The following ALMS1 variants were observed in gnomAD, a reference collection of about 807,000 sequenced individuals.
ALMS1 encodes the protein ALMS1 centrosome and basal body associated protein.
A neutral mutation model predicts 352.2 loss-of-function variants in ALMS1; 271 were observed. The observed-to-expected ratio is 0.77, with a 90% CI of 0.70 to 0.85. ALMS1 has a LOEUF of 0.85. ALMS1 is among the 40% of genes least tolerant of loss of function. The probability of loss-of-function intolerance (pLI) is 0.00; values close to 1 mark genes in which losing one functional copy is unlikely to be tolerated. For synonymous variants in ALMS1, 1,865 were observed against 1,761.2 expected (o/e 1.06, Z -1.48); for missense variants, 5,445 against 4,870.7 (o/e 1.12, Z -3.51).
In ALMS1 at chr2:73,451,084, C is replaced by T. The variant is rs918628047; in HGVS notation, c.4557C>T (p.Thr1519=). The T allele has an allele frequency of 1.1e-5, 18 of 1,613,154 alleles. No homozygotes were observed. The highest frequency in any genetic ancestry group is 1.4e-5 in the Non-Finnish European group (17 of 1,179,814). ...AGACAACTGGCGCACCAACTATAAC[C>T]TCTCCTTCCTACTCACAACATAGAG... ...VGQTTGAPTI[T]SPSYSQHRAK... The change falls in exon 8 of 23, where the codon ACC becomes ACT. Residue 1519 remains threonine (T), a synonymous_variant. Coordinates refer to ENST00000613296, the MANE Select transcript of ALMS1 (RefSeq NM_001378454.1).
chr2:73,443,421 C>G (rs910305253), intron 7 of ALMS1, among the ~76,000 whole-genome samples: 1 of 152,048 alleles, frequency 6.6e-6, no homozygotes, highest in Non-Finnish European at 1.5e-5. Flanking sequence ...GGTTTTTATC[C>G]TTTCATTCTG....
chr2:73,512,375 G>A (rs1300977263), intron 10 of ALMS1, among the ~76,000 whole-genome samples: 3 of 151,492 alleles, frequency 2.0e-5, no homozygotes, highest in Non-Finnish European at 4.4e-5. Flanking sequence ...AAGCTACCAC[G>A]CCTGTCCACT....
At position 73,554,521 on chromosome 2, in the gene ALMS1, C is replaced by A. The variant is rs554839546; in HGVS notation, c.10079-2699C>A. On this transcript the variant is annotated intron_variant, in intron 13 of 22. Transcript: ENST00000613296. ...GAGATCGAGACCATCCTGGCTAACA[C>A]GGTGAAACCCCGTCTCTACTAAAAA... 1.2e-4 allele frequency among the ~76,000 whole-genome samples: 18 copies of A among 150,724 alleles called. No individual in the cohort carries two copies. The South Asian group carries it at 3.6e-3, about 30-fold the overall frequency.
At chr2:73,467,562 A>G (rs1672381641) in intron 9 of ALMS1, among the ~76,000 whole-genome samples, 1 of 152,100 alleles carries the variant, frequency 6.6e-6, no homozygotes, top group African/African-American at 2.4e-5. Flanking sequence ...ATAATGGTAA[A>G]CATGCCTTAC....
rs2103715685 is a variant in ALMS1, at chr2:73,424,762, A to G, written c.1097A>G (p.Gln366Arg). ...GAAAACAATTTAGCTGATAAAGATC[A>G]AGTTTCAGTTGCAACTTCATTTGAC... Reference protein sequence around the residue: ...WPENNLADKDQVSVATSFDIT... With the variant: ...WPENNLADKDRVSVATSFDIT... Residue 366 changes from glutamine to arginine, a missense_variant, in exon 5 of 23, where the codon CAA (glutamine) becomes CGA (arginine). Coordinates refer to ENST00000613296, the MANE Select transcript of ALMS1 (RefSeq NM_001378454.1). The G allele has an allele frequency of 6.2e-7, 1 of 1,613,948 alleles. No individual in the cohort carries two copies. The highest frequency in any genetic ancestry group is 8.5e-7 in the Non-Finnish European group (1 of 1,179,862).
Position 73,452,495 on chromosome 2 carries a change from C to A in ALMS1, c.5968C>A (p.His1990Asn). ...AATAGGACTGTCTAGTTCCTACTCA[C>A]ATTCACATAAAGAGAAACTCAAGAT... ...IPIGLSSSYS[H>N]SHKEKLKIST... Residue 1990 changes from histidine (H) to asparagine (N), a missense_variant, in exon 8 of 23, where the codon CAT becomes AAT. His to Asn is a moderately conservative substitution (Grantham distance 68). Coordinates refer to ENST00000613296, the MANE Select transcript of ALMS1 (RefSeq NM_001378454.1). 6.2e-7 allele frequency: 1 copy of A among 1,614,090 alleles called. No homozygotes were observed. The highest frequency in any genetic ancestry group is 8.5e-7 in the Non-Finnish European group (1 of 1,179,998).
intron 9 of ALMS1, chr2:73,469,467 TAGG>T (rs753653102): frequency 5.9e-5 from 9 of 151,962 alleles, no homozygotes; most frequent in Non-Finnish European, 1.2e-4. Flanking sequence ...TTTGAAATAA[TAGG>T]AGAATATAAT....
intron 11 of ALMS1, among the ~76,000 whole-genome samples, chr2:73,533,716 A>G (rs542062879): frequency 1.3e-5 from 2 of 152,230 alleles, no homozygotes; most frequent in Admixed American, 6.5e-5. Context: ...TAGTATATAG[A>G]AAAAAAATGT....
intron 9 of ALMS1, among the ~76,000 whole-genome samples, chr2:73,471,460 A>G (rs1019484790): frequency 1.3e-5 from 2 of 148,634 alleles, no homozygotes; most frequent in African/African-American, 2.5e-5. Flanking sequence ...GTTAATATCC[A>G]AAGTATATAA....
chr2:73,402,250 T>G (rs796443012), intron 1 of ALMS1, among the ~76,000 whole-genome samples: 2 of 151,504 alleles, frequency 1.3e-5, no homozygotes, highest in East Asian at 3.9e-4. Context: ...CTTTTCTTTC[T>G]TTTCTTTCTT....
chr2:73,534,570 C>CTA (rs1673987581), intron 11 of ALMS1, among the ~76,000 whole-genome samples: 2 of 152,262 alleles, frequency 1.3e-5, no homozygotes, highest in African/African-American at 2.4e-5. Context: ...TTCAGCATTT[C>CTA]TATATTTTCC....
chr2:73,392,283 TGTG>T (rs1169549141), intron 1 of ALMS1, among the ~76,000 whole-genome samples: 2 of 151,918 alleles, frequency 1.3e-5, no homozygotes, highest in African/African-American at 4.8e-5. Context: ...TGTGTGTGTG[TGTG>T]TGTGTGTGTG....
chr2:73,399,187 C>G (rs1670822819), intron 1 of ALMS1, among the ~76,000 whole-genome samples: 1 of 152,150 alleles, frequency 6.6e-6, no homozygotes. Context: ...ATGTCATCTG[C>G]AAACAGAGTT....
rs752714698 is a variant in ALMS1, at chr2:73,602,234, G to A, written c.12164G>A (p.Arg4055Gln). Residue 4055 changes from arginine (R) to glutamine (Q), a missense_variant, in exon 20 of 23, where the codon CGG becomes CAG. Arg to Gln is a conservative substitution (Grantham distance 43). Coordinates refer to ENST00000613296, the MANE Select transcript of ALMS1 (RefSeq NM_001378454.1). ...RPDFISRSGE[R>Q]IKRLKLIVQE... The stretch of plus-strand genomic sequence containing the variant: ...GACTTCATCTCCCGCTCTGGGGAGC[G>A]GATAAAGCGCCTGAAGTTAATAGTC... The A allele has an allele frequency of 7.7e-5, 124 of 1,613,968 alleles. No individual in the cohort carries two copies. Among genetic ancestry groups the A allele is most frequent in the Non-Finnish European group, 1.0e-4 (119 of 1,180,004 alleles).
intron 10 of ALMS1, among the ~76,000 whole-genome samples, chr2:73,506,230 C>A (rs878950329): frequency 6.6e-6 from 1 of 152,132 alleles, no homozygotes; most frequent in South Asian, 2.1e-4. Flanking sequence ...ATGATGCCTC[C>A]AGCTTTGTTC....
chr2:73,448,946 C>A lies in ALMS1; in HGVS notation c.2419C>A (p.Pro807Thr). ...ADQKTGLPTV[P>T]SSAYSHREKL... Reference sequence around the variant, plus strand: ...CCAGAAGACTGGCCTACCAACAGTACCCTCTAGTGCATACTCACACAGAGA... The same window carrying A: ...CCAGAAGACTGGCCTACCAACAGTAACCTCTAGTGCATACTCACACAGAGA... Residue 807 changes from proline (P) to threonine (T), a missense_variant, in exon 8 of 23, where the codon CCC (proline) becomes ACC (threonine). By Grantham distance (38) the Pro-to-Thr change is conservative (BLOSUM62 -1). Coordinates refer to ENST00000613296, the MANE Select transcript of ALMS1 (RefSeq NM_001378454.1). 1 of 1,613,926 alleles carries A rather than the reference C, an allele frequency of 6.2e-7. No homozygotes were observed. The highest frequency in any genetic ancestry group is 8.5e-7 in the Non-Finnish European group (1 of 1,179,930).
intron 6 of ALMS1, among the ~76,000 whole-genome samples, chr2:73,429,762 T>C (rs1417975612): frequency 6.6e-6 from 1 of 152,212 alleles, no homozygotes; most frequent in Non-Finnish European, 1.5e-5. Flanking sequence ...GTCTAATTTA[T>C]TTTGCATGTT....
intron 10 of ALMS1, among the ~76,000 whole-genome samples, chr2:73,499,925 T>A (rs1004032384): frequency 3.3e-5 from 5 of 152,196 alleles, no homozygotes; most frequent in Non-Finnish European, 7.3e-5. Context: ...CCCTTACACT[T>A]CTGCTGTGAT....
intron 10 of ALMS1, among the ~76,000 whole-genome samples, chr2:73,505,763 T>G (rs1673308055): frequency 2.0e-5 from 3 of 152,216 alleles, no homozygotes; most frequent in Admixed American, 2.0e-4. Context: ...CTAATGATAG[T>G]TTCTTTTGCT....
Sources: allele counts gnomAD v4.1 joint callset (sites outside exome capture counted in the v4.1 genomes callset), GRCh38; gene constraint gnomAD v4.1.1; transcripts MANE v1.5; gene names NCBI Gene and HGNC (gene_info 2026-07-23, HGNC 2026-07-21).